SLC17A4: variants seen among roughly 807,000 people sequenced by gnomAD.
SLC17A4 encodes the protein probable small intestine urate exporter.
A neutral mutation model predicts 52.5 loss-of-function variants in SLC17A4; 33 were observed. The observed-to-expected ratio is 0.63, with a 90% confidence interval of 0.48 to 0.84. The LOEUF (loss-of-function observed/expected upper bound fraction) is 0.84. Ranked by LOEUF, SLC17A4 falls within the 40% of genes least tolerant of loss-of-function variation. The pLI is 0.00. For missense variants in SLC17A4, 585 were observed against 597.1 expected, an observed-to-expected ratio of 0.98 and a Z score of 0.21; for synonymous variants, 225 against 216.2, an observed-to-expected ratio of 1.04 and a Z score of -0.36.
intron 2 of SLC17A4, among the ~76,000 whole-genome samples, chr6:25,767,938 A>C (rs1762156671): frequency 6.6e-6 from 1 of 152,232 alleles, no homozygotes; most frequent in African/African-American, 2.4e-5. Flanking sequence ...ATAAAAAGTA[A>C]TTTACAAAAT....
intron 2 of SLC17A4, among the ~76,000 whole-genome samples, chr6:25,762,656 T>C (rs535135001): frequency 1.3e-5 from 2 of 152,348 alleles, no homozygotes; most frequent in South Asian, 2.1e-4. Flanking sequence ...CAAGATGGAA[T>C]GCTTTGTAAT....
chr6:25,770,061 A>G lies in SLC17A4; in HGVS notation c.298-6A>G. On this transcript the variant is annotated splice_polypyrimidine_tract_variant and splice_region_variant and intron_variant, in intron 3 of 11. Coordinates refer to ENST00000377905, the MANE Select transcript of SLC17A4 (RefSeq NM_005495.3). ...AAGACAAACAGTAACTCTCTTTGTC[A>G]TCTAGGCCCCTGCATATGACTGGAG... is the stretch of plus-strand genomic sequence containing the variant. 4 of 1,613,460 alleles carry G rather than the reference A, an allele frequency of 2.5e-6. No homozygotes were observed. Among genetic ancestry groups the G allele is most frequent in the Non-Finnish European group, 3.4e-6 (4 of 1,179,468 alleles).
Position 25,776,799 on chromosome 6 carries a change from C to T in SLC17A4, c.1121-13C>T. On this transcript the variant is annotated splice_polypyrimidine_tract_variant and intron_variant, in intron 9 of 11. Coordinates refer to ENST00000377905, the MANE Select transcript of SLC17A4 (RefSeq NM_005495.3). ...AGCCTTCAGTTTACTCTGTGTTTGT[C>T]CTCCTACCCCAGGGGTTCTCTTCCC... 6.2e-7 allele frequency: 1 copy of T among 1,613,930 alleles called. No individual in the cohort carries two copies. Among genetic ancestry groups the T allele is most frequent in the Non-Finnish European group, 8.5e-7 (1 of 1,179,894 alleles).
At chr6:25,775,386 C>T (rs538882028) in intron 8 of SLC17A4, among the ~76,000 whole-genome samples, 5 of 151,672 alleles carry the variant, frequency 3.3e-5, no homozygotes, top group Admixed American at 3.3e-4. Flanking sequence ...TCCTAATCTG[C>T]CCTGTCCTCC....
At chr6:25,770,582 T>C (rs1762400048) in intron 5 of SLC17A4, 111 bp downstream of exon 5, 2 of 1,004,102 alleles carry the variant, frequency 2.0e-6, no homozygotes, top group Non-Finnish European at 3.1e-6. Context: ...TCATAGTCCT[T>C]TCCTTAAAGC....
At position 25,773,398 on chromosome 6, in the gene SLC17A4, A is replaced by G; in HGVS notation, c.825+5A>G. 3 of 1,613,484 alleles carry G rather than the reference A, an allele frequency of 1.9e-6. No individual in the cohort carries two copies. The highest frequency in any genetic ancestry group is 2.2e-5 in the East Asian group (1 of 44,870). ...GTGTGTTCATTGGCTCAGCAGGTAC[A>G]TTGAGGAACTCCTCTGACATTTCTC... On this transcript the variant is annotated splice_donor_5th_base_variant and intron_variant, in intron 7 of 11. Transcript: ENST00000377905.
rs1762258206 is a variant in SLC17A4, at chr6:25,769,083, A to G, written c.190A>G (p.Met64Val). Residue 64 changes from methionine to valine, a missense_variant, in exon 3 of 12, where the codon ATG (methionine) becomes GTG (valine). Met to Val is a conservative substitution (Grantham distance 21). Coordinates refer to ENST00000377905, the MANE Select transcript of SLC17A4 (RefSeq NM_005495.3). ...GAACTTGAGCATTGCCATCCCAGCT[A>G]TGGTGAACAACACAGCCCCACCTAG... is the stretch of plus-strand genomic sequence containing the variant. ...QMNLSIAIPAMVNNTAPPSQP... is the reference protein window; with the variant it reads ...QMNLSIAIPAVVNNTAPPSQP... 1 of 1,613,980 alleles carries G rather than the reference A, an allele frequency of 6.2e-7. No homozygotes were observed. The highest frequency in any genetic ancestry group is 8.5e-7 in the Non-Finnish European group (1 of 1,179,952).
intron 2 of SLC17A4, among the ~76,000 whole-genome samples, chr6:25,763,370 A>C (rs758837732): frequency 2.6e-5 from 4 of 152,226 alleles, no homozygotes; most frequent in Non-Finnish European, 5.9e-5. Context: ...TCCAAGCCTT[A>C]CCAAGTTATT....
intron 1 of SLC17A4, among the ~76,000 whole-genome samples, chr6:25,758,576 G>A (rs528282138): frequency 5.9e-5 from 9 of 152,192 alleles, no homozygotes; most frequent in African/African-American, 1.4e-4. Flanking sequence ...GTTTACACAC[G>A]TAAAGGTGTT....
At chr6:25,768,355 C>A in intron 2 of SLC17A4, 1 of 985,436 alleles carries the variant, frequency 1.0e-6, no homozygotes, top group Non-Finnish European at 1.2e-6. Context: ...ATGAATTCTT[C>A]CCGCTGTTGT....
At chr6:25,776,101 A>C (rs1762890756) in intron 8 of SLC17A4, among the ~76,000 whole-genome samples, 1 of 152,156 alleles carries the variant, frequency 6.6e-6, no homozygotes, top group South Asian at 2.1e-4. Context: ...GAGCACCAGT[A>C]ATATTTGTGA....
intron 8 of SLC17A4, among the ~76,000 whole-genome samples, chr6:25,776,088 A>G (rs1307515766): frequency 2.0e-5 from 3 of 152,128 alleles, no homozygotes; most frequent in African/African-American, 7.2e-5. Flanking sequence ...ATTGCCCTCA[A>G]TAGAGCACCA....
intron 5 of SLC17A4, 137 bp downstream of exon 5, chr6:25,770,608 C>A: frequency 1.3e-6 from 1 of 778,892 alleles, no homozygotes; most frequent in Non-Finnish European, 2.2e-6. Flanking sequence ...CCCATACTGC[C>A]TTACTTGATT....
intron 6 of SLC17A4, 112 bp from the exon 7 acceptor site, chr6:25,773,163 G>T: frequency 1.2e-6 from 1 of 810,342 alleles, no homozygotes; most frequent in Non-Finnish European, 2.1e-6. Context: ...TAGATGCCAG[G>T]AAGAGTGGTG....
chr6:25,760,990 T>C (rs1175449330), intron 1 of SLC17A4, among the ~76,000 whole-genome samples: 1 of 152,176 alleles, frequency 6.6e-6, no homozygotes, highest in Non-Finnish European at 1.5e-5. Flanking sequence ...TTTTTGAGTG[T>C]TTATAATTTT....
chr6:25,763,384 T>C (rs895298066), intron 2 of SLC17A4, among the ~76,000 whole-genome samples: 1 of 152,236 alleles, frequency 6.6e-6, no homozygotes, highest in South Asian at 2.1e-4. Context: ...AGTTATTTTG[T>C]TGTGTATCCA....
At chr6:25,766,191 T>C (rs1047850855) in intron 2 of SLC17A4, among the ~76,000 whole-genome samples, 8 of 151,126 alleles carry the variant, frequency 5.3e-5, no homozygotes, top group Non-Finnish European at 1.0e-4. Context: ...TTTATGTTTC[T>C]AATTTATAAA....
chr6:25,768,313 T>C, intron 2 of SLC17A4: 12 of 941,654 alleles, frequency 1.3e-5, no homozygotes, highest in Non-Finnish European at 1.4e-5. Flanking sequence ...TGATCATACA[T>C]TACCTCTGGG....
Position 25,770,266 on chromosome 6 carries a change from T to C in SLC17A4, c.497T>C (p.Leu166Pro). The C allele has an allele frequency of 6.2e-7, 1 of 1,614,126 alleles. No individual in the cohort carries two copies. The highest frequency in any genetic ancestry group is 8.5e-7 in the Non-Finnish European group (1 of 1,179,994). ...GCAGCTAATGCGGGAGTGGCCTTGC[T>C]CATTGTCCTCCGGATTGTACAAGGC... ...PLAANAGVAL[L>P]IVLRIVQGIA... The change falls in exon 4 of 12, where the codon CTC becomes CCC. Residue 166 changes from leucine (L) to proline (P), a missense_variant. Transcript: ENST00000377905.
Sources: allele counts gnomAD v4.1 joint callset (sites outside exome capture counted in the v4.1 genomes callset), GRCh38; gene constraint gnomAD v4.1.1; transcripts MANE v1.5; gene names NCBI Gene and HGNC (gene_info 2026-07-23, HGNC 2026-07-21).